The following SETD3 variants were observed in gnomAD, a reference collection of about 807,000 sequenced individuals.
The protein encoded by SETD3 is SET domain containing 3, actin N3(tau)-histidine methyltransferase.
In SETD3, 19 loss-of-function variants were observed where a neutral mutation model predicts 63.0. The ratio of observed to expected loss-of-function variants is 0.30; its 90% CI spans 0.21 to 0.44. The LOEUF is 0.44. SETD3 is among the 20% of genes least tolerant of loss of function. The pLI is 1.00. For missense variants in SETD3, 587 were observed against 728.5 expected, an observed-to-expected ratio of 0.81 and a Z score of 2.24; for synonymous variants, 286 against 264.1, an observed-to-expected ratio of 1.08 and a Z score of -0.80.
intron 6 of SETD3, among the ~76,000 whole-genome samples, chr14:99,429,896 C>T (rs1041500240): frequency 6.6e-6 from 1 of 152,232 alleles, no homozygotes; most frequent in Non-Finnish European, 1.5e-5. Flanking sequence ...CAATTCCACA[C>T]ACCTGTTTTC....
At chr14:99,460,189 T>TCAC (rs1894991863) in intron 4 of SETD3, among the ~76,000 whole-genome samples, 1 of 152,212 alleles carries the variant, frequency 6.6e-6, no homozygotes, top group Admixed American at 6.5e-5. Flanking sequence ...ATACTACCAT[T>TCAC]CACACAGTAG....
At chr14:99,404,531 T>C (rs111731225) in intron 10 of SETD3, among the ~76,000 whole-genome samples, 297 of 152,312 alleles carry the variant, frequency 1.9e-3, no homozygotes, top group Non-Finnish European at 3.4e-3. Context: ...TTGGAGACCA[T>C]CCTCACAAGC....
intron 5 of SETD3, among the ~76,000 whole-genome samples, chr14:99,458,771 C>A (rs550380966): frequency 0.014 from 728 of 51,544 alleles, 5 homozygotes; most frequent in African/African-American, 0.051. Flanking sequence ...AACCCCATCA[C>A]TACAAAAAAA....
At chr14:99,475,289 C>T (rs1218299351) in intron 1 of SETD3, among the ~76,000 whole-genome samples, 4 of 152,152 alleles carry the variant, frequency 2.6e-5, no homozygotes, top group Non-Finnish European at 5.9e-5. Context: ...ATCATGGTGC[C>T]GGATGTTATG....
intron 8 of SETD3, among the ~76,000 whole-genome samples, chr14:99,407,340 G>A (rs1028573146): frequency 1.6e-4 from 25 of 152,246 alleles, no homozygotes; most frequent in Admixed American, 1.4e-3. Flanking sequence ...GGAAACCCTC[G>A]CGTCTCACCT....
intron 6 of SETD3, among the ~76,000 whole-genome samples, chr14:99,456,069 T>C (rs8003384): frequency 0.42 from 63,723 of 152,024 alleles, 13,858 homozygotes; most frequent in East Asian, 0.57. Context: ...GGTGGGAGGA[T>C]TGCTTGAGCC....
At chr14:99,413,372 AC>A (rs1892112661) in intron 7 of SETD3, 6 of 297,406 alleles carry the variant, frequency 2.0e-5, no homozygotes, top group Admixed American at 9.5e-5. Flanking sequence ...ACTCCCCGAC[AC>A]CCCCCAACCC....
At chr14:99,446,095 T>G (rs561463602) in intron 6 of SETD3, among the ~76,000 whole-genome samples, 1 of 152,182 alleles carries the variant, frequency 6.6e-6, no homozygotes, top group Non-Finnish European at 1.5e-5. Flanking sequence ...CCGCCTTGAC[T>G]GGGCTTACTC....
At chr14:99,426,933 C>T (rs987329084) in intron 6 of SETD3, among the ~76,000 whole-genome samples, 10 of 152,176 alleles carry the variant, frequency 6.6e-5, no homozygotes, top group Non-Finnish European at 1.5e-4. Flanking sequence ...TCCCCACCTT[C>T]TGCCTCCCCC....
At chr14:99,445,761 CTCT>C (rs1437566421) in intron 6 of SETD3, among the ~76,000 whole-genome samples, 1 of 152,164 alleles carries the variant, frequency 6.6e-6, no homozygotes, top group Admixed American at 6.5e-5. Context: ...AACAGGTTCC[CTCT>C]TCTATCATAC....
At chr14:99,468,448 T>C (rs1295393024) in intron 1 of SETD3, among the ~76,000 whole-genome samples, 3 of 152,200 alleles carry the variant, frequency 2.0e-5, no homozygotes, top group Admixed American at 2.0e-4. Flanking sequence ...CTATCTTCTC[T>C]TATGTATCTA....
At chr14:99,444,847 AC>A (rs901994329) in intron 6 of SETD3, among the ~76,000 whole-genome samples, 32 of 152,086 alleles carry the variant, frequency 2.1e-4, no homozygotes, top group African/African-American at 6.8e-4. Flanking sequence ...AAAAAAAAAA[AC>A]AACTTGATAT....
intron 1 of SETD3, among the ~76,000 whole-genome samples, chr14:99,467,837 C>T (rs1357491649): frequency 6.6e-6 from 1 of 152,184 alleles, no homozygotes; most frequent in Non-Finnish European, 1.5e-5. Flanking sequence ...AAAACAGGCT[C>T]TATTCGCTCT....
rs558364024 is a variant in SETD3, at chr14:99,439,789, T to C, written c.675+18490A>G. 8.6e-5 allele frequency among the ~76,000 whole-genome samples: 13 copies of C among 151,024 alleles called. No individual in the cohort carries two copies. The South Asian group carries it at 2.7e-3, about 32-fold the overall frequency. On this transcript the variant is annotated intron_variant, in intron 6 of 12. Coordinates refer to ENST00000331768, the MANE Select transcript of SETD3 (RefSeq NM_032233.3). ...TTATACACATAAATGTATGTATTTATATGTATAAATATTCTTTTTTGAGAC... is the reference window on the plus strand; with the variant it reads ...TTATACACATAAATGTATGTATTTACATGTATAAATATTCTTTTTTGAGAC...
In SETD3 at chr14:99,421,439, A is replaced by G. The variant is rs1892592842; in HGVS notation, c.676-7505T>C. 2.6e-5 allele frequency among the ~76,000 whole-genome samples: 4 copies of G among 152,160 alleles called. No individual in the cohort carries two copies. The South Asian group carries it at 8.3e-4, about 32-fold the overall frequency. ...GTCATTTACAAGAGTAGTTGTAATC[A>G]GTAGTAGTAATCAGTCATTTACAAG... On this transcript the variant is annotated intron_variant, in intron 6 of 12. Coordinates refer to ENST00000331768, the MANE Select transcript of SETD3 (RefSeq NM_032233.3).
chr14:99,486,075 CCAT>C, the SETD3 span, among the ~76,000 whole-genome samples: 1 of 151,934 alleles, frequency 6.6e-6, no homozygotes, highest in Non-Finnish European at 1.5e-5. Flanking sequence ...AGTCATGAAA[CCAT>C]CACAATTTTC....
intron 6 of SETD3, among the ~76,000 whole-genome samples, chr14:99,433,122 G>A (rs963703221): frequency 6.6e-6 from 1 of 152,160 alleles, no homozygotes; most frequent in Admixed American, 6.5e-5. Flanking sequence ...ATGGCAGGGA[G>A]GGGAGATGGG....
intron 6 of SETD3, among the ~76,000 whole-genome samples, chr14:99,415,381 T>C (rs1595164104): frequency 6.6e-6 from 1 of 152,232 alleles, no homozygotes; most frequent in East Asian, 1.9e-4. Flanking sequence ...AAAACTGGAA[T>C]GCTAAATCTC....
chr14:99,448,555 TA>T (rs1894269275), intron 6 of SETD3, among the ~76,000 whole-genome samples: 1 of 152,134 alleles, frequency 6.6e-6, no homozygotes, highest in Admixed American at 6.5e-5. Context: ...TGCCCCATAA[TA>T]TCTACCCAGT....
Sources: gnomAD v4.1 joint callset for allele counts (sites outside exome capture counted in the v4.1 genomes callset) on GRCh38, gnomAD v4.1.1 for gene constraint, MANE v1.5 for transcripts, NCBI Gene and HGNC (gene_info 2026-07-23, HGNC 2026-07-21) for gene names.